LRTM1: variants seen among roughly 807,000 people sequenced by gnomAD.
LRTM1 encodes the protein leucine rich repeat transmembrane protein 1, also known as leucine-rich repeat and transmembrane domain-containing protein 1.
In LRTM1, 38 loss-of-function variants were observed where a neutral mutation model predicts 32.4. That is an observed-to-expected ratio of 1.17 (90% CI 0.91 to 1.54). LRTM1 has a LOEUF of 1.54. Ranked by LOEUF, LRTM1 falls within the 40% of genes most tolerant of loss-of-function variation. The probability of loss-of-function intolerance (pLI) is 0.00; values close to 1 mark genes in which losing one functional copy is unlikely to be tolerated. For synonymous variants in LRTM1, 186 were observed against 169.9 expected, an observed-to-expected ratio of 1.09 and a Z score of -0.74; for missense variants, 466 against 415.4, an observed-to-expected ratio of 1.12 and a Z score of -1.06.
At chr3:54,924,350 T>A (rs1461317316) in intron 2 of LRTM1, among the ~76,000 whole-genome samples, 1 of 152,176 alleles carries the variant, frequency 6.6e-6, no homozygotes, top group Non-Finnish European at 1.5e-5. Flanking sequence ...AATAGCATAC[T>A]CCCAGATAAG....
rs141305753 is a variant in LRTM1 at position 54,920,202 on chromosome 3, T to C, written c.605-1310A>G. Among the ~76,000 whole-genome samples, 44 of 152,320 alleles carry C rather than the reference T, an allele frequency of 2.9e-4. No individual in the cohort carries two copies. The East Asian group carries it at 7.3e-3, about 25-fold the overall frequency. ...ACTTCAACATTATTAGCACCCTCCATTGCATGGCACTTCAGAGTTTTAGGA... is the reference window on the plus strand; with the variant it reads ...ACTTCAACATTATTAGCACCCTCCACTGCATGGCACTTCAGAGTTTTAGGA... On this transcript the variant is annotated intron_variant, in intron 2 of 2. Coordinates refer to ENST00000273286, the MANE Select transcript of LRTM1 (RefSeq NM_020678.4).
At chr3:54,940,704 G>T (rs1050393125) in intron 1 of LRTM1, among the ~76,000 whole-genome samples, 1 of 152,166 alleles carries the variant, frequency 6.6e-6, no homozygotes, top group Admixed American at 6.5e-5. Context: ...TGTATGAAAA[G>T]TCTTTGTACT....
intron 1 of LRTM1, among the ~76,000 whole-genome samples, chr3:54,949,029 T>C (rs1039916848): frequency 2.0e-5 from 3 of 152,228 alleles, no homozygotes; most frequent in African/African-American, 4.8e-5. Flanking sequence ...GTCTCTTGTT[T>C]TACTTTTCTT....
In LRTM1 at chr3:54,927,897, G is replaced by T; in HGVS notation, c.7+8C>A. Reference sequence around the variant, plus strand: ...GAACTTTTCCAACGGGAATTGATCAGGGCTCACCTTTCATGACTGAGTCTC... The same window carrying T: ...GAACTTTTCCAACGGGAATTGATCATGGCTCACCTTTCATGACTGAGTCTC... On this transcript the variant is annotated splice_region_variant and intron_variant, in intron 1 of 2. Transcript: ENST00000273286. 1 of 1,613,650 alleles carries T rather than the reference G, an allele frequency of 6.2e-7. No homozygotes were observed.
intron 1 of LRTM1, among the ~76,000 whole-genome samples, chr3:54,955,572 G>A (rs78834273): frequency 0.014 from 2,205 of 152,282 alleles, 52 homozygotes; most frequent in African/African-American, 0.049. Flanking sequence ...CGTTGATTCT[G>A]AGGCAGCTTC....
At chr3:54,947,159 A>G (rs1454008502) in intron 1 of LRTM1, among the ~76,000 whole-genome samples, 3 of 152,172 alleles carry the variant, frequency 2.0e-5, no homozygotes, top group Non-Finnish European at 2.9e-5. Flanking sequence ...TCATCATCAT[A>G]ATCTTAAAGA....
At chr3:54,947,776 G>A (rs1349492600) in intron 1 of LRTM1, among the ~76,000 whole-genome samples, 1 of 152,140 alleles carries the variant, frequency 6.6e-6, no homozygotes, top group Non-Finnish European at 1.5e-5. Context: ...TAGCCCTAAG[G>A]CAACTAGAAG....
At chr3:54,939,227 T>A (rs1229507987) in intron 1 of LRTM1, among the ~76,000 whole-genome samples, 4 of 152,208 alleles carry the variant, frequency 2.6e-5, no homozygotes, top group Non-Finnish European at 5.9e-5. Flanking sequence ...ATGATCATGT[T>A]ATTTCTCCAC....
At chr3:54,950,780 G>A (rs549789973) in intron 1 of LRTM1, among the ~76,000 whole-genome samples, 3 of 152,216 alleles carry the variant, frequency 2.0e-5, no homozygotes, top group South Asian at 4.2e-4. Context: ...CACCTTGATC[G>A]GGGCCAAAAT....
chr3:54,948,374 A>G (rs1463847689), intron 1 of LRTM1, among the ~76,000 whole-genome samples: 3 of 152,172 alleles, frequency 2.0e-5, no homozygotes, highest in Non-Finnish European at 4.4e-5. Flanking sequence ...AAAAATTAAA[A>G]TGCTCCCAAG....
rs750814229 is a variant in LRTM1, at chr3:54,924,999, C to G, written c.224G>C (p.Trp75Ser). 6.2e-6 allele frequency: 10 copies of G among 1,613,900 alleles called. No individual in the cohort carries two copies. Among genetic ancestry groups the G allele is most frequent in the Non-Finnish European group, 8.5e-6 (10 of 1,179,926 alleles). Residue 75 changes from tryptophan to serine, a missense_variant, in exon 2 of 3, where the codon TGG (tryptophan) becomes TCG (serine). By Grantham distance (177) the Trp-to-Ser change is radical. Transcript: ENST00000273286. Reference protein sequence around the residue: ...LPAFAFRSVPWLMTLNLSNNS... With the variant: ...LPAFAFRSVPSLMTLNLSNNS... ...GTTGGACAAGTTTAAGGTCATGAGC[C>G]ATGGCACTGACCTAAATGCAAAAGC...
intron 1 of LRTM1, among the ~76,000 whole-genome samples, chr3:54,966,589 C>G (rs752606287): frequency 3.9e-5 from 6 of 152,134 alleles, no homozygotes; most frequent in Non-Finnish European, 8.8e-5. Context: ...GAGGTTGAGG[C>G]AGGCAGGTCA....
At position 54,920,057 on chromosome 3, in the gene LRTM1, C is replaced by A. The variant is rs187122824; in HGVS notation, c.605-1165G>T. 1.7e-4 allele frequency among the ~76,000 whole-genome samples: 26 copies of A among 152,354 alleles called. No individual in the cohort carries two copies. In the East Asian group the frequency reaches 4.6e-3, roughly 27 times the overall value. On this transcript the variant is annotated intron_variant, in intron 2 of 2. Transcript: ENST00000273286. Reference sequence around the variant, plus strand: ...CCCTCTCAGGCTGCCATAAGCACCTCCCCTAGGCCAGCCGAAAAGACTGGC... The same window carrying A: ...CCCTCTCAGGCTGCCATAAGCACCTACCCTAGGCCAGCCGAAAAGACTGGC...
At chr3:54,943,962 A>G (rs1017688175) in intron 1 of LRTM1, among the ~76,000 whole-genome samples, 1 of 152,158 alleles carries the variant, frequency 6.6e-6, no homozygotes, top group African/African-American at 2.4e-5. Context: ...CCGACCTTGT[A>G]GCTCTGAAAA....
chr3:54,954,617 G>A (rs1235592856), intron 1 of LRTM1, among the ~76,000 whole-genome samples: 2 of 152,296 alleles, frequency 1.3e-5, no homozygotes, highest in African/African-American at 4.8e-5. Flanking sequence ...TGGAGGTAGG[G>A]TGTGGAGAAG....
intron 2 of LRTM1, among the ~76,000 whole-genome samples, chr3:54,919,824 C>T (rs527321746): frequency 6.6e-6 from 1 of 152,328 alleles, no homozygotes; most frequent in South Asian, 2.1e-4. Flanking sequence ...AACTCTTGTC[C>T]AGACTCACAG....
Position 54,947,362 on chromosome 3 carries a change from G to A in LRTM1, c.-222+19566C>T, listed in dbSNP as rs1701642416. Among the ~76,000 whole-genome samples, 3 of 152,154 alleles carry A rather than the reference G, an allele frequency of 2.0e-5. No homozygotes were observed. In the South Asian group the frequency reaches 6.2e-4, roughly 32 times the overall value. The stretch of plus-strand genomic sequence containing the variant: ...TGCAAACCTAAGAGACAGAAAACAA[G>A]GTGTATAACAGGCTCTGGTTAGGAC... On this transcript the variant is annotated intron_variant, in intron 1 of 2. Transcript: ENST00000493075.
upstream of LRTM1, among the ~76,000 whole-genome samples, chr3:54,929,183 C>A (rs567237353): frequency 6.6e-5 from 10 of 152,276 alleles, no homozygotes; most frequent in South Asian, 2.1e-3. Context: ...AGTGACTTAC[C>A]CACCCAGAGC....
At chr3:54,954,591 A>T (rs1025498541) in intron 1 of LRTM1, among the ~76,000 whole-genome samples, 8 of 152,180 alleles carry the variant, frequency 5.3e-5, no homozygotes, top group African/African-American at 1.9e-4. Flanking sequence ...TTTCCTGAGC[A>T]GCTCGTTCAG....
Sources: allele counts gnomAD v4.1 joint callset (sites outside exome capture counted in the v4.1 genomes callset), GRCh38; gene constraint gnomAD v4.1.1; transcripts MANE v1.5; gene names NCBI Gene and HGNC (gene_info 2026-07-23, HGNC 2026-07-21).